The following RARA variants were observed in gnomAD, a reference collection of about 807,000 sequenced individuals.
The protein encoded by RARA is PML-DDX5-RARA fusion.
RARA carries 5 observed loss-of-function variants against 42.8 expected under a neutral mutation model. The observed-to-expected ratio is 0.12, with a 90% CI of 0.06 to 0.25. The LOEUF is 0.25. Ranked by LOEUF, RARA falls within the 10% of genes least tolerant of loss-of-function variation. The probability of loss-of-function intolerance (pLI) is 1.00; values close to 1 mark genes in which losing one functional copy is unlikely to be tolerated. For synonymous variants in RARA, 256 were observed against 259.5 expected, an observed-to-expected ratio of 0.99 and a Z score of 0.13; for missense variants, 402 against 628.7, an observed-to-expected ratio of 0.64 and a Z score of 3.86.
In RARA at chr17:40,331,133, C is replaced by G; in HGVS notation, c.-86C>G. 4 of 1,433,674 alleles carry G rather than the reference C, an allele frequency of 2.8e-6. No homozygotes were observed. The highest frequency in any genetic ancestry group is 3.8e-6 in the Non-Finnish European group (4 of 1,064,930). 88.8% of individuals were successfully genotyped at this position (1,433,674 alleles called of 1,614,324 possible). ...CACCCAAACCCCATCTGGGCCCAGG[C>G]CCCATGCCCCGAGGAGGGGTGGTCT... On this transcript the variant is annotated 5_prime_UTR_variant, in exon 2 of 9. Transcript: ENST00000254066.
intron 2 of RARA, among the ~76,000 whole-genome samples, chr17:40,347,878 G>A (rs889813211): frequency 6.6e-6 from 1 of 152,034 alleles, no homozygotes; most frequent in Non-Finnish European, 1.5e-5. Context: ...TGAATATCCT[G>A]TTGACCCCAG....
chr17:40,319,235 G>A (rs2033299296), intron 1 of RARA, among the ~76,000 whole-genome samples: 1 of 152,116 alleles, frequency 6.6e-6, no homozygotes, highest in Admixed American at 6.5e-5. Flanking sequence ...CTGGGCACTG[G>A]CCTATTGTCA....
At chr17:40,311,746 G>A (rs1440374303) in intron 1 of RARA, among the ~76,000 whole-genome samples, 2 of 152,144 alleles carry the variant, frequency 1.3e-5, no homozygotes, top group Non-Finnish European at 2.9e-5. Context: ...TCGCTTAGCT[G>A]GTTTCCTTCC....
At chr17:40,348,009 AC>A (rs1489588989) in intron 2 of RARA, 5 of 265,774 alleles carry the variant, frequency 1.9e-5, no homozygotes, top group Non-Finnish European at 3.5e-5. Flanking sequence ...AATCAGGGTG[AC>A]CCCCACCCCT....
At position 40,343,211 on chromosome 17, in the gene RARA, A is replaced by C; in HGVS notation, c.179-5105A>C. ...GCCTGGAATCCAACAGCTTCACAGC[A>C]GGCTGGAGGGTGGGGTAAAGGTCCT... On this transcript the variant is annotated intron_variant, in intron 2 of 8. Transcript: ENST00000254066. 3 of 200,728 alleles carry C rather than the reference A, an allele frequency of 1.5e-5. No individual in the cohort carries two copies. The South Asian group carries it at 3.3e-4, about 22-fold the overall frequency. The allele number at this position is 200,728 out of a possible 1,614,324, so 12.4% of individuals were successfully genotyped here.
intron 1 of RARA, among the ~76,000 whole-genome samples, chr17:40,322,816 G>A (rs1011596473): frequency 1.3e-5 from 2 of 152,018 alleles, no homozygotes; most frequent in South Asian, 4.1e-4. Context: ...AGGAGGGGTT[G>A]GCCCCCTTCC....
intron 2 of RARA, 111 bp from the exon 3 acceptor site, chr17:40,348,205 C>T: frequency 7.6e-7 from 1 of 1,312,766 alleles, no homozygotes; most frequent in Non-Finnish European, 1.0e-6. Flanking sequence ...ATCCTGCCAG[C>T]AGTGGTGAGG....
Position 40,331,319 on chromosome 17 carries a change from G to C in RARA, c.101G>C (p.Gly34Ala). 1 of 1,614,078 alleles carries C rather than the reference G, an allele frequency of 6.2e-7. No individual in the cohort carries two copies. Among genetic ancestry groups the C allele is most frequent in the East Asian group, 2.2e-5 (1 of 44,870 alleles). The change falls in exon 2 of 9, where the codon GGA becomes GCA. Residue 34 changes from glycine to alanine, a missense_variant. Gly to Ala is a moderately conservative substitution (Grantham distance 60). This residue lies in a region of RARA where 91 missense variants were observed against 105.2 expected (regional missense o/e 0.87). Coordinates refer to ENST00000254066, the MANE Select transcript of RARA (RefSeq NM_000964.4). ...YAFFFPPMLGGLSPPGALTTL... is the reference protein window; with the variant it reads ...YAFFFPPMLGALSPPGALTTL... ...TTCTTCTTCCCCCCTATGCTGGGTG[G>C]ACTCTCCCCGCCAGGCGCTCTGACC...
At chr17:40,342,435 C>T in intron 2 of RARA, 4 of 1,199,096 alleles carry the variant, frequency 3.3e-6, no homozygotes, top group Non-Finnish European at 3.1e-6. Context: ...CGCTGAGTTC[C>T]CGGGCCCCGC....
Position 40,351,795 on chromosome 17 carries a change from G to A in RARA, c.470-115G>A, listed in dbSNP as rs1336271185. 8.0e-6 allele frequency: 11 copies of A among 1,382,252 alleles called. No homozygotes were observed. Among genetic ancestry groups the A allele is most frequent in the South Asian group, 2.6e-5 (2 of 75,764 alleles). 85.6% of individuals were successfully genotyped at this position (1,382,252 alleles called of 1,614,324 possible). ...GCCCGTGAACGCGTGCTGTGTGCGC[G>A]TGCTTACAAGCCTGGGTGACCTCCT... On this transcript the variant is annotated intron_variant, in intron 4 of 8. Coordinates refer to ENST00000254066, the MANE Select transcript of RARA (RefSeq NM_000964.4). This position sits in a 1 kb window ranked among gnomAD's most constrained non-coding sequence, Gnocchi z 4.1.
intron 3 of RARA, chr17:40,349,504 T>C: frequency 2.6e-6 from 1 of 379,052 alleles, no homozygotes; most frequent in South Asian, 3.5e-5. Flanking sequence ...CCAGCAGCCC[T>C]GAGGTCTTTT....
chr17:40,312,297 C>T (rs1462192057), intron 1 of RARA, among the ~76,000 whole-genome samples: 1 of 152,234 alleles, frequency 6.6e-6, no homozygotes, highest in African/African-American at 2.4e-5. Flanking sequence ...ATTGCAGGCA[C>T]TTATGGGCAG....
intron 2 of RARA, among the ~76,000 whole-genome samples, chr17:40,339,080 T>A (rs1331659981): frequency 6.6e-6 from 1 of 152,002 alleles, no homozygotes; most frequent in African/African-American, 2.4e-5. Context: ...GCTGGGCGAG[T>A]TGCCGTTAGG....
intron 2 of RARA, among the ~76,000 whole-genome samples, chr17:40,336,473 C>A (rs903370618): frequency 6.6e-6 from 1 of 152,180 alleles, no homozygotes. Flanking sequence ...CTCACCGCAA[C>A]CTCTGCCTCC....
rs1334978100 is a variant in RARA, at chr17:40,355,125, A to AC, written c.1013-134dup. 9.3e-7 allele frequency: 1 copy of AC among 1,080,402 alleles called. No homozygotes were observed. 66.9% of individuals were successfully genotyped at this position (1,080,402 alleles called of 1,614,324 possible). ...GCCTCTGTACCCTGCGGCAGCAGAG[A>AC]CCCCATGCCCTGCCCTGTGTGGGGA... On this transcript the variant is annotated intron_variant, in intron 7 of 8. Transcript: ENST00000254066. This position sits in a 1 kb window ranked among gnomAD's most constrained non-coding sequence, Gnocchi z 4.1.
intron 2 of RARA, chr17:40,341,367 G>A (rs2034029272): frequency 6.9e-7 from 1 of 1,450,212 alleles, no homozygotes; most frequent in Non-Finnish European, 9.1e-7. Context: ...TGCCGCGTCG[G>A]GTTCCGGCGG....
In RARA at chr17:40,351,773, C is replaced by A; in HGVS notation, c.470-137C>A. On this transcript the variant is annotated intron_variant, in intron 4 of 8. Transcript: ENST00000254066. This position sits in a 1 kb window ranked among gnomAD's most constrained non-coding sequence, Gnocchi z 4.1. ...AGTGCGTGGCAATGCCTTGCCTGCC[C>A]GTGAACGCGTGCTGTGTGCGCGTGC... 1.7e-6 allele frequency: 2 copies of A among 1,175,694 alleles called. No individual in the cohort carries two copies. Among genetic ancestry groups the A allele is most frequent in the Non-Finnish European group, 2.4e-6 (2 of 846,996 alleles). 72.8% of individuals were successfully genotyped at this position (1,175,694 alleles called of 1,614,324 possible). A position where few individuals can be genotyped will look rare whatever the true frequency, so the allele number is the denominator to read the frequency against.
In RARA at chr17:40,355,445, G is replaced by C. The variant is rs2034589057; in HGVS notation, c.1171+24G>C. The C allele has an allele frequency of 1.9e-6, 3 of 1,595,932 alleles. No individual in the cohort carries two copies. The highest frequency in any genetic ancestry group is 2.6e-6 in the Non-Finnish European group (3 of 1,167,314). ...GGGTGAGGCTCACAGACCTGGAGGG[G>C]TACCGGCCCCCGACACCTGGCCCAG... is the stretch of plus-strand genomic sequence containing the variant. On this transcript the variant is annotated intron_variant, in intron 8 of 8. Coordinates refer to ENST00000254066, the MANE Select transcript of RARA (RefSeq NM_000964.4). This position sits in a 1 kb window ranked among gnomAD's most constrained non-coding sequence, Gnocchi z 4.1.
chr17:40,320,886 G>A lies in RARA; in HGVS notation c.-362-9971G>A, dbSNP rs757624859. Among the ~76,000 whole-genome samples the A allele has an allele frequency of 6.6e-6, 1 of 152,170 alleles. No individual in the cohort carries two copies. Among genetic ancestry groups the A allele is most frequent in the Non-Finnish European group, 1.5e-5 (1 of 68,008 alleles). On this transcript the variant is annotated intron_variant, in intron 1 of 8. Coordinates refer to ENST00000254066, the MANE Select transcript of RARA (RefSeq NM_000964.4). This position sits in a 1 kb window ranked among gnomAD's most constrained non-coding sequence, Gnocchi z 4.1. ...TCAGTACCCACACCCATCTTGTGTC[G>A]GTAGTTTTGGGAGTGTGGGAAGCTG...
Sources: gnomAD v4.1 joint callset for allele counts (sites outside exome capture counted in the v4.1 genomes callset) on GRCh38, gnomAD v4.1.1 for gene constraint, gnomAD v4.1.1 regional missense constraint, Gnocchi (gnomAD v3.1) non-coding constraint, MANE v1.5 for transcripts, NCBI Gene and HGNC (gene_info 2026-07-23, HGNC 2026-07-21) for gene names.